ATP13A3: variants seen among roughly 807,000 people sequenced by gnomAD.
ATP13A3 encodes ATPase 13A3.
Under a neutral mutation model 158.1 loss-of-function variants are expected in ATP13A3, and 59 were observed. The ratio of observed to expected loss-of-function variants is 0.37; its 90% CI spans 0.30 to 0.46. The LOEUF (loss-of-function observed/expected upper bound fraction) is 0.46, where lower values mean the gene tolerates loss of function less well. Ranked by LOEUF, ATP13A3 falls within the 20% of genes least tolerant of loss-of-function variation. ATP13A3 has a pLI of 1.00. For missense variants in ATP13A3, 1,166 were observed against 1,525.2 expected (o/e 0.76, Z 3.92); for synonymous variants, 491 against 504.3 (o/e 0.97, Z 0.35).
intron 33 of ATP13A3, 27 bp from the exon 34 acceptor site, chr3:194,406,143 A>G (rs753108255): frequency 2.4e-5 from 38 of 1,610,280 alleles, no homozygotes; most frequent in Non-Finnish European, 3.1e-5. Flanking sequence ...AAAACAAAAC[A>G]AAACACCCCA....
intron 2 of ATP13A3, among the ~76,000 whole-genome samples, chr3:194,474,357 C>A (rs1445900749): frequency 6.6e-6 from 1 of 152,086 alleles, no homozygotes; most frequent in African/African-American, 2.4e-5. Context: ...GTCTCTTCAT[C>A]TTGCCAGGCT....
chr3:194,431,170 A>G lies in ATP13A3; in HGVS notation c.2478T>C (p.Tyr826=). Reference sequence around the variant, plus strand: ...ATGATTTTCCATTCATTGCAAAATGATAACGAGTCATTTGAAGATCCTCTA... The same window carrying G: ...ATGATTTTCCATTCATTGCAAAATGGTAACGAGTCATTTGAAGATCCTCTA... ...DSLEDLQMTR[Y]HFAMNGKSFS... is the part of the protein sequence containing the mutation. Residue 826 remains tyrosine (Y), a synonymous_variant, in exon 23 of 34, where the codon TAT becomes TAC. Transcript: ENST00000645319. 6.2e-7 allele frequency: 1 copy of G among 1,613,822 alleles called. No homozygotes were observed. The highest frequency in any genetic ancestry group is 8.5e-7 in the Non-Finnish European group (1 of 1,179,702).
intron 2 of ATP13A3, 44 bp downstream of exon 2, chr3:194,485,750 G>A (rs1406141243): frequency 6.6e-6 from 1 of 152,168 alleles, no homozygotes; most frequent in Non-Finnish European, 1.5e-5. Flanking sequence ...ATAGCTCTAA[G>A]ACACTGATGA....
At chr3:194,459,286 G>A (rs141501022) in intron 6 of ATP13A3, 185 bp downstream of exon 6, 34 of 567,768 alleles carry the variant, frequency 6.0e-5, no homozygotes, top group Non-Finnish European at 9.6e-5. Context: ...TGCAAGCTGC[G>A]GTGGGACTTA....
chr3:194,434,022 T>C (rs971671968), intron 20 of ATP13A3, 126 bp from the exon 21 acceptor site: 7 of 1,017,398 alleles, frequency 6.9e-6, no homozygotes, highest in South Asian at 3.6e-5. Flanking sequence ...AAAATATCTA[T>C]AAATGAAAAC....
intron 10 of ATP13A3, chr3:194,450,544 C>G: frequency 2.6e-6 from 1 of 388,998 alleles, no homozygotes; most frequent in Non-Finnish European, 4.9e-6. Flanking sequence ...TGTGCTTCAA[C>G]ACTCATGACA....
upstream of ATP13A3, among the ~76,000 whole-genome samples, chr3:194,491,109 A>T (rs947848052): frequency 6.6e-6 from 1 of 152,132 alleles, no homozygotes; most frequent in African/African-American, 2.4e-5. Context: ...GCACCATTGT[A>T]CTCCAGCCTG....
chr3:194,461,361 C>G (rs1228014359), intron 3 of ATP13A3, among the ~76,000 whole-genome samples: 1 of 152,166 alleles, frequency 6.6e-6, no homozygotes, highest in Non-Finnish European at 1.5e-5. Context: ...TTACTATTAA[C>G]TAAACTCAGT....
intron 2 of ATP13A3, among the ~76,000 whole-genome samples, chr3:194,467,318 AAAG>A (rs1429601413): frequency 1.5e-4 from 23 of 152,204 alleles, no homozygotes; most frequent in Non-Finnish European, 3.4e-4. Context: ...TAGACCACAT[AAAG>A]AACTCTTCCA....
In ATP13A3 at chr3:194,437,869, T is replaced by C. The variant is rs574819884; in HGVS notation, c.1828-296A>G. 2.6e-5 allele frequency among the ~76,000 whole-genome samples: 4 copies of C among 152,136 alleles called. No individual in the cohort carries two copies. The South Asian group carries it at 8.3e-4, about 32-fold the overall frequency. On this transcript the variant is annotated intron_variant, in intron 17 of 33. Coordinates refer to ENST00000645319, the MANE Select transcript of ATP13A3 (RefSeq NM_001367549.1). ...AAAACACAAAATAAAAATTAAAAAA[T>C]AATAGGCTGGCTGGGCGCAGTGGCT...
At chr3:194,445,099 C>G (rs963095390) in intron 14 of ATP13A3, among the ~76,000 whole-genome samples, 7 of 152,004 alleles carry the variant, frequency 4.6e-5, no homozygotes, top group Admixed American at 3.3e-4. Flanking sequence ...GTTAACCTAT[C>G]TTATCAATCA....
intron 32 of ATP13A3, 80 bp downstream of exon 32, chr3:194,413,679 G>A: frequency 8.3e-7 from 1 of 1,209,246 alleles, no homozygotes; most frequent in Non-Finnish European, 1.2e-6. Flanking sequence ...TATATTACCT[G>A]CCCTCTTCTC....
intron 17 of ATP13A3, among the ~76,000 whole-genome samples, chr3:194,438,238 TA>T (rs1471180798): frequency 2.0e-5 from 3 of 152,154 alleles, no homozygotes; most frequent in African/African-American, 7.2e-5. Flanking sequence ...GCCAACCAGT[TA>T]TACAAATAAG....
rs529342077 is a variant in ATP13A3, at chr3:194,453,927, G to A, written c.766-149C>T. 5.9e-6 allele frequency: 4 copies of A among 672,274 alleles called. 1 individual carries two copies. In the South Asian group the frequency reaches 7.7e-5, roughly 13 times the overall value. The allele number at this position is 672,274 out of a possible 1,614,324, so 41.6% of individuals were successfully genotyped here. Reference sequence around the variant, plus strand: ...GAGTCAGAAATTCAGAGTATTCATTGTTTTAGTTCAAGACAAAACAAGAAG... The same window carrying A: ...GAGTCAGAAATTCAGAGTATTCATTATTTTAGTTCAAGACAAAACAAGAAG... On this transcript the variant is annotated intron_variant, in intron 9 of 33. Coordinates refer to ENST00000645319, the MANE Select transcript of ATP13A3 (RefSeq NM_001367549.1).
intron 2 of ATP13A3, among the ~76,000 whole-genome samples, chr3:194,480,566 C>G (rs886402780): frequency 9.9e-5 from 15 of 152,150 alleles, no homozygotes; most frequent in African/African-American, 3.6e-4. Context: ...CTCAGAATGA[C>G]AGACAGTACC....
At chr3:194,473,708 A>T (rs950706971) in intron 2 of ATP13A3, among the ~76,000 whole-genome samples, 2 of 152,200 alleles carry the variant, frequency 1.3e-5, no homozygotes, top group Non-Finnish European at 2.9e-5. Context: ...AAATACATAT[A>T]TAGGTACATA....
chr3:194,417,958 C>CGGAAGGAAGGAAGGAAGGAAGGAA lies in ATP13A3; in HGVS notation c.3402+1897_3402+1920dup, dbSNP rs1198337838. Among the ~76,000 whole-genome samples, 47 of 76,884 alleles carry CGGAAGGAAGGAAGGAAGGAAGGAA rather than the reference C, an allele frequency of 6.1e-4. 1 individual carries two copies. The highest frequency in any genetic ancestry group is 3.3e-3 in the African/African-American group (46 of 13,880). 50.4% of individuals were successfully genotyped at this position (76,884 alleles called of 152,430 possible). On this transcript the variant is annotated intron_variant, in intron 31 of 33. Transcript: ENST00000645319. ...CGTGGGTGACAGACAGACGGACGGA[C>CGGAAGGAAGGAAGGAAGGAAGGAA]GGAAGGAAGGAAGGAAGGAAGGAAG...
At chr3:194,457,068 TCTAA>T in intron 7 of ATP13A3, 22 bp downstream of exon 7, 1 of 1,570,284 alleles carries the variant, frequency 6.4e-7, no homozygotes, top group Non-Finnish European at 8.8e-7. Flanking sequence ...TTTGAGAAGA[TCTAA>T]CTTTAGTTGG....
At position 194,427,265 on chromosome 3, in the gene ATP13A3, G is replaced by A. The variant is rs746529611; in HGVS notation, c.2948-13C>T. On this transcript the variant is annotated splice_polypyrimidine_tract_variant and intron_variant, in intron 28 of 33. Transcript: ENST00000645319. ...GGATTTAAACTCACTATATTGAAAAGAAAAAGAGGAAAGGTTTGTATTTAC... is the reference window on the plus strand; with the variant it reads ...GGATTTAAACTCACTATATTGAAAAAAAAAAGAGGAAAGGTTTGTATTTAC... 1 of 1,576,156 alleles carries A rather than the reference G, an allele frequency of 6.3e-7. No individual in the cohort carries two copies. The highest frequency in any genetic ancestry group is 1.2e-5 in the South Asian group (1 of 84,694).
Sources: allele counts gnomAD v4.1 joint callset (sites outside exome capture counted in the v4.1 genomes callset), GRCh38; gene constraint gnomAD v4.1.1; transcripts MANE v1.5; gene names NCBI Gene and HGNC (gene_info 2026-07-23, HGNC 2026-07-21).